Variants in NUCB2 observed in about 807,000 individuals in gnomAD.
NUCB2 encodes the protein nucleobindin-2.
NUCB2 carries 48 observed loss-of-function variants against 57.9 expected under a neutral mutation model. The ratio of observed to expected loss-of-function variants is 0.83; its 90% confidence interval spans 0.66 to 1.05. The LOEUF (loss-of-function observed/expected upper bound fraction) is 1.05, where lower values mean the gene tolerates loss of function less well. NUCB2 is among the 50% of genes least tolerant of loss of function. The pLI is 0.00. For synonymous variants in NUCB2, 139 were observed against 152.1 expected, an observed-to-expected ratio of 0.91 and a Z score of 0.64; for missense variants, 442 against 476.2, an observed-to-expected ratio of 0.93 and a Z score of 0.67.
chr11:17,329,969 CATAA>C (rs1951181762), intron 11 of NUCB2, among the ~76,000 whole-genome samples, 154 bp from the exon 12 acceptor site: 1 of 152,124 alleles, frequency 6.6e-6, no homozygotes, highest in Non-Finnish European at 1.5e-5. Flanking sequence ...CAAATGAGTA[CATAA>C]ATATATATTA....
At chr11:17,301,992 T>G in intron 5 of NUCB2, 122 bp downstream of exon 5, 1 of 700,530 alleles carries the variant, frequency 1.4e-6, no homozygotes, top group Non-Finnish European at 2.3e-6. Flanking sequence ...CTTGACCACC[T>G]GGGCTCAAGT....
intron 2 of NUCB2, among the ~76,000 whole-genome samples, chr11:17,288,327 A>G (rs1042322778): frequency 6.6e-6 from 1 of 151,994 alleles, no homozygotes; most frequent in Non-Finnish European, 1.5e-5. Flanking sequence ...GTGTGTCTTA[A>G]TATCGATGGA....
At chr11:17,317,974 C>CT (rs35264082) in intron 11 of NUCB2, among the ~76,000 whole-genome samples, 24,583 of 109,604 alleles carry the variant, frequency 0.22, 3,326 homozygotes, top group East Asian at 0.47. Context: ...AAGAAGTCAG[C>CT]TTTTTTTTTT....
downstream of NUCB2, among the ~76,000 whole-genome samples, chr11:17,337,029 C>G (rs925053016): frequency 6.6e-6 from 1 of 151,888 alleles, no homozygotes; most frequent in East Asian, 1.9e-4. Flanking sequence ...TAGTCTCGAA[C>G]TTCTGGGCTC....
intron 2 of NUCB2, among the ~76,000 whole-genome samples, 194 bp from the exon 3 acceptor site, chr11:17,295,130 T>C (rs1055911752): frequency 6.6e-6 from 1 of 152,236 alleles, no homozygotes; most frequent in African/African-American, 2.4e-5. Context: ...CATTTCTCCC[T>C]TGATTTTCTT....
intron 5 of NUCB2, among the ~76,000 whole-genome samples, chr11:17,304,062 G>A (rs1947225755): frequency 6.6e-6 from 1 of 152,222 alleles, no homozygotes; most frequent in Middle Eastern, 3.4e-3. Flanking sequence ...ACTTAGTGGG[G>A]AAGCACAAGT....
intron 2 of NUCB2, among the ~76,000 whole-genome samples, chr11:17,288,637 C>T (rs959477320): frequency 6.9e-6 from 1 of 144,046 alleles, no homozygotes; most frequent in African/African-American, 2.6e-5. Flanking sequence ...CAACTGCAAC[C>T]TCTGCCTCCT....
At chr11:17,277,666 A>G (rs531588250) in intron 1 of NUCB2, among the ~76,000 whole-genome samples, 2 of 152,364 alleles carry the variant, frequency 1.3e-5, no homozygotes, top group East Asian at 3.9e-4. Context: ...TAAGCCTGCT[A>G]CTAAGGCTCT....
intron 2 of NUCB2, among the ~76,000 whole-genome samples, chr11:17,289,332 T>TG (rs965358074): frequency 6.6e-5 from 10 of 152,202 alleles, no homozygotes; most frequent in African/African-American, 2.4e-4. Context: ...AGCTTGGTGC[T>TG]GGTGCTTTCT....
Position 17,296,087 on chromosome 11 carries a change from G to A in NUCB2, c.145-17G>A. The A allele has an allele frequency of 6.8e-7, 1 of 1,477,038 alleles. No homozygotes were observed. Among genetic ancestry groups the A allele is most frequent in the Non-Finnish European group, 9.3e-7 (1 of 1,072,740 alleles). The allele number at this position is 1,477,038 out of a possible 1,614,324, so 91.5% of individuals were successfully genotyped here. On this transcript the variant is annotated splice_polypyrimidine_tract_variant and intron_variant, in intron 3 of 13. Transcript: ENST00000529010. ...AAAAACCTGCAGAAGCATTACTGTT[G>A]GTTTCTTAATTTGAAGGATACTGGA...
intron 4 of NUCB2, among the ~76,000 whole-genome samples, chr11:17,299,980 A>G (rs1317282751): frequency 6.6e-6 from 1 of 152,094 alleles, no homozygotes; most frequent in Non-Finnish European, 1.5e-5. Context: ...TATCTTTTTA[A>G]AGGATAAAAT....
At chr11:17,284,633 T>C (rs984919351) in intron 2 of NUCB2, among the ~76,000 whole-genome samples, 5 of 152,230 alleles carry the variant, frequency 3.3e-5, no homozygotes, top group African/African-American at 1.2e-4. Flanking sequence ...GTATTGCAGT[T>C]TCCTTTTTTC....
chr11:17,334,317 T>G (rs1423463953), downstream of NUCB2: 1 of 152,316 alleles, frequency 6.6e-6, no homozygotes, highest in East Asian at 1.9e-4. Flanking sequence ...GAGCTGCTGC[T>G]TTTAGAACAA....
chr11:17,294,690 A>AG (rs1188004154), intron 2 of NUCB2, among the ~76,000 whole-genome samples: 4 of 151,290 alleles, frequency 2.6e-5, no homozygotes, highest in Non-Finnish European at 4.4e-5. Flanking sequence ...AAAAAAAAAA[A>AG]AAAAAAAAAA....
intron 11 of NUCB2, among the ~76,000 whole-genome samples, chr11:17,323,645 G>A (rs1039238968): frequency 1.3e-5 from 2 of 152,158 alleles, no homozygotes; most frequent in Non-Finnish European, 2.9e-5. Context: ...AGTAGGATTG[G>A]CATCAGTTTT....
At chr11:17,291,943 A>G (rs977155662) in intron 2 of NUCB2, among the ~76,000 whole-genome samples, 1 of 152,186 alleles carries the variant, frequency 6.6e-6, no homozygotes, top group Non-Finnish European at 1.5e-5. Context: ...CTGAGTAAGC[A>G]ATATTTAGTT....
chr11:17,323,379 T>C (rs1173062656), intron 11 of NUCB2, among the ~76,000 whole-genome samples: 2 of 152,242 alleles, frequency 1.3e-5, no homozygotes, highest in East Asian at 3.9e-4. Context: ...ATCATATTGA[T>C]TTGTGTATGT....
intron 2 of NUCB2, among the ~76,000 whole-genome samples, chr11:17,294,730 T>A (rs1339956963): frequency 6.7e-6 from 1 of 149,278 alleles, no homozygotes; most frequent in Non-Finnish European, 1.5e-5. Context: ...CTTTTGTAAT[T>A]AGCCAAATGT....
intron 4 of NUCB2, among the ~76,000 whole-genome samples, chr11:17,301,275 T>TC (rs1946697391): frequency 9.1e-6 from 1 of 109,902 alleles, no homozygotes; most frequent in Non-Finnish European, 1.8e-5. Flanking sequence ...GCCTGGCCTT[T>TC]TTTTTTTTTT....
Sources: gnomAD v4.1 joint callset for allele counts (sites outside exome capture counted in the v4.1 genomes callset) on GRCh38, gnomAD v4.1.1 for gene constraint, MANE v1.5 for transcripts, NCBI Gene and HGNC (gene_info 2026-07-23, HGNC 2026-07-21) for gene names.